The following SNTG2 variants were observed in gnomAD, a reference collection of about 807,000 sequenced individuals.
SNTG2 encodes the protein gamma-2-syntrophin.
In SNTG2, 74 loss-of-function variants were observed where a neutral mutation model predicts 70.9. That is an observed-to-expected ratio of 1.04 (90% CI 0.86 to 1.27). The LOEUF (loss-of-function observed/expected upper bound fraction) is 1.27. SNTG2 is among the 50% of genes most tolerant of loss of function. SNTG2 has a pLI of 0.00. For synonymous variants in SNTG2, 278 were observed against 273.8 expected (o/e 1.02, Z -0.15); for missense variants, 717 against 690.7 (o/e 1.04, Z -0.43).
At chr2:1,029,106 A>C (rs1033877960) in intron 1 of SNTG2, among the ~76,000 whole-genome samples, 1 of 152,098 alleles carries the variant, frequency 6.6e-6, no homozygotes, top group Admixed American at 6.6e-5. Context: ...ACCCCAGCCT[A>C]CTTATCTTTA....
chr2:1,155,113 C>T (rs1273217014), intron 6 of SNTG2, among the ~76,000 whole-genome samples: 1 of 146,480 alleles, frequency 6.8e-6, no homozygotes, highest in African/African-American at 2.6e-5. Context: ...CACATAACAC[C>T]CACATATACA....
At chr2:1,071,173 A>G (rs1160184291) in intron 1 of SNTG2, among the ~76,000 whole-genome samples, 3 of 152,064 alleles carry the variant, frequency 2.0e-5, no homozygotes, top group South Asian at 2.1e-4. Context: ...ATGACTATAA[A>G]TCATGCTGCT....
At chr2:1,021,447 A>G (rs1016900691) in intron 1 of SNTG2, among the ~76,000 whole-genome samples, 3 of 152,148 alleles carry the variant, frequency 2.0e-5, no homozygotes, top group African/African-American at 7.2e-5. Flanking sequence ...AAAATCCATC[A>G]TTTTAACAGG....
At chr2:1,315,764 T>A (rs1041638784) in intron 15 of SNTG2, among the ~76,000 whole-genome samples, 1 of 152,196 alleles carries the variant, frequency 6.6e-6, no homozygotes, top group African/African-American at 2.4e-5. Context: ...GTTTAGTGTT[T>A]CACATATAGC....
At chr2:1,237,335 A>T (rs987025470) in intron 9 of SNTG2, among the ~76,000 whole-genome samples, 2 of 152,208 alleles carry the variant, frequency 1.3e-5, no homozygotes, top group Non-Finnish European at 2.9e-5. Flanking sequence ...TTTTTAAAAA[A>T]TATTGCATGA....
intron 1 of SNTG2, among the ~76,000 whole-genome samples, chr2:1,025,986 T>C (rs1660462799): frequency 6.6e-6 from 1 of 152,146 alleles, no homozygotes; most frequent in Non-Finnish European, 1.5e-5. Flanking sequence ...AGCCCAGGAG[T>C]TTTAAGTCAG....
intron 14 of SNTG2, among the ~76,000 whole-genome samples, chr2:1,291,874 G>A (rs1680006961): frequency 6.6e-6 from 1 of 152,140 alleles, no homozygotes; most frequent in African/African-American, 2.4e-5. Flanking sequence ...CTGGAAAAAG[G>A]TCTTTGGGAT....
chr2:1,083,418 C>T, intron 1 of SNTG2, 100 bp from the exon 2 acceptor site: 1 of 1,260,936 alleles, frequency 7.9e-7, no homozygotes, highest in Non-Finnish European at 1.1e-6. Context: ...ACTACACGTG[C>T]ATTTTAGGAT....
At chr2:1,321,189 A>G (rs144767194) in intron 16 of SNTG2, among the ~76,000 whole-genome samples, 54 of 152,338 alleles carry the variant, frequency 3.5e-4, no homozygotes, top group African/African-American at 1.2e-3. Context: ...TGTTCCTACT[A>G]TCATTAAAAT....
intron 9 of SNTG2, among the ~76,000 whole-genome samples, chr2:1,214,176 G>A (rs1674225177): frequency 6.6e-6 from 1 of 152,174 alleles, no homozygotes; most frequent in Admixed American, 6.5e-5. Context: ...TTGAAATCAG[G>A]TAGTGTGATG....
In SNTG2 at chr2:1,024,026, G is replaced by A. The variant is rs180936844; in HGVS notation, c.73-59492G>A. ...CGAACCTTTCTGTGCAGTGCGAGAT[G>A]GTGATATTTATTTGTGATTCTGTGG... On this transcript the variant is annotated intron_variant, in intron 1 of 16. Coordinates refer to ENST00000308624, the MANE Select transcript of SNTG2 (RefSeq NM_018968.4). 2.6e-4 allele frequency among the ~76,000 whole-genome samples: 39 copies of A among 152,286 alleles called. 1 individual carries two copies. The highest frequency in any genetic ancestry group is 1.2e-3 in the Admixed American group (18 of 15,304).
At chr2:1,304,244 T>A (rs1212397733) in intron 14 of SNTG2, among the ~76,000 whole-genome samples, 1 of 152,194 alleles carries the variant, frequency 6.6e-6, no homozygotes. Flanking sequence ...TGCTGTTATT[T>A]CTCTTATATC....
chr2:1,286,184 G>A (rs1188795745), intron 14 of SNTG2, among the ~76,000 whole-genome samples: 4 of 152,066 alleles, frequency 2.6e-5, no homozygotes, highest in South Asian at 2.1e-4. Flanking sequence ...ACATAATGTC[G>A]AGGGAACTGG....
chr2:1,255,905 T>TAAATATATATAA (rs1678074910), intron 12 of SNTG2, among the ~76,000 whole-genome samples: 3 of 66,446 alleles, frequency 4.5e-5, no homozygotes, highest in East Asian at 5.2e-4. Context: ...AATATATATA[T>TAAATATATATAA]AAATATATAT....
chr2:1,332,637 A>T (rs879354786), intron 16 of SNTG2, among the ~76,000 whole-genome samples: 1 of 152,224 alleles, frequency 6.6e-6, no homozygotes, highest in Non-Finnish European at 1.5e-5. Context: ...CATACTGAGG[A>T]TGCAGGGATG....
intron 14 of SNTG2, among the ~76,000 whole-genome samples, chr2:1,282,994 T>A (rs1456660073): frequency 1.3e-5 from 2 of 152,152 alleles, no homozygotes. Context: ...AAGACAGAAG[T>A]GGCCACGGAA....
intron 14 of SNTG2, among the ~76,000 whole-genome samples, chr2:1,275,574 A>T (rs1679233543): frequency 6.6e-6 from 1 of 152,158 alleles, no homozygotes; most frequent in Non-Finnish European, 1.5e-5. Context: ...GTGTGTTCTG[A>T]TTGCTCCACT....
chr2:999,136 G>C (rs1296593885), intron 1 of SNTG2, among the ~76,000 whole-genome samples: 1 of 151,988 alleles, frequency 6.6e-6, no homozygotes, highest in Admixed American at 6.6e-5. Context: ...GCAACAAATG[G>C]AGAGTTCTAA....
At chr2:1,101,593 C>T (rs560656045) in intron 4 of SNTG2, among the ~76,000 whole-genome samples, 46 of 138,264 alleles carry the variant, frequency 3.3e-4, no homozygotes, top group Non-Finnish European at 6.4e-4. Flanking sequence ...GGAGTCTGGC[C>T]TCAGGATGAA....
Sources: gnomAD v4.1 joint callset for allele counts (sites outside exome capture counted in the v4.1 genomes callset) on GRCh38, gnomAD v4.1.1 for gene constraint, MANE v1.5 for transcripts, NCBI Gene and HGNC (gene_info 2026-07-23, HGNC 2026-07-21) for gene names.